The following CRPPA variants were observed in gnomAD, a reference collection of about 807,000 sequenced individuals.
CRPPA encodes D-ribitol-5-phosphate cytidylyltransferase.
CRPPA carries 43 observed loss-of-function variants against 52.0 expected under a neutral mutation model. The observed-to-expected ratio is 0.83, with a 90% CI of 0.65 to 1.07. The LOEUF (loss-of-function observed/expected upper bound fraction) is 1.07, where lower values mean the gene tolerates loss of function less well. Ranked by LOEUF, CRPPA falls within the 50% of genes least tolerant of loss-of-function variation. The pLI is 0.00. For missense variants in CRPPA, 629 were observed against 551.7 expected, an observed-to-expected ratio of 1.14 and a Z score of -1.40; for synonymous variants, 250 against 203.5, an observed-to-expected ratio of 1.23 and a Z score of -1.94.
chr7:16,308,469 C>T (rs565882933), intron 4 of CRPPA, 54 bp downstream of exon 4: 19 of 972,702 alleles, frequency 2.0e-5, no homozygotes, highest in East Asian at 1.5e-4. Context: ...TGTACACACA[C>T]GCAAACACAT....
At chr7:16,364,979 A>C (rs1786553706) in intron 3 of CRPPA, among the ~76,000 whole-genome samples, 1 of 152,236 alleles carries the variant, frequency 6.6e-6, no homozygotes. Flanking sequence ...GAAAAGTTAT[A>C]AAGGTCAATA....
intron 3 of CRPPA, 109 bp downstream of exon 3, chr7:16,375,983 G>T: frequency 9.6e-7 from 1 of 1,040,252 alleles, no homozygotes; most frequent in Non-Finnish European, 1.4e-6. Context: ...TCTTAGCCTT[G>T]AGTATAACTA....
At chr7:16,275,814 AAAAAAC>A (rs1411479816) in intron 6 of CRPPA, among the ~76,000 whole-genome samples, 4 of 152,106 alleles carry the variant, frequency 2.6e-5, no homozygotes, top group Admixed American at 2.6e-4. Context: ...CTGTCTCGGA[AAAAAAC>A]AAAAACAAAA....
intron 9 of CRPPA, among the ~76,000 whole-genome samples, chr7:16,209,938 A>AT (rs1255445090): frequency 1.3e-5 from 2 of 152,150 alleles, no homozygotes; most frequent in African/African-American, 2.4e-5. Context: ...TTACATCCAC[A>AT]TTTTTTTCAC....
chr7:16,240,053 A>G (rs1783063886), intron 8 of CRPPA, among the ~76,000 whole-genome samples: 1 of 151,876 alleles, frequency 6.6e-6, no homozygotes, highest in Non-Finnish European at 1.5e-5. Context: ...CTCAGGGAGT[A>G]TTCTATATCC....
chr7:16,087,602 A>G lies in CRPPA; in HGVS notation c.*4093T>C, dbSNP rs1419937165. Reference sequence around the variant, plus strand: ...TTTAGAATCTTTATAGTACTTTTCAATGTCACCTTAAAAATATGCATATGC... The same window carrying G: ...TTTAGAATCTTTATAGTACTTTTCAGTGTCACCTTAAAAATATGCATATGC... On this transcript the variant is annotated 3_prime_UTR_variant, in exon 10 of 10. Coordinates refer to ENST00000407010, the MANE Select transcript of CRPPA (RefSeq NM_001101426.4). 6.6e-6 allele frequency: 1 copy of G among 151,972 alleles called. No individual in the cohort carries two copies. Among genetic ancestry groups the G allele is most frequent in the Admixed American group, 6.6e-5 (1 of 15,260 alleles). The allele number at this position is 151,972 out of a possible 1,614,324, so 9.4% of individuals were successfully genotyped here. A position where few individuals can be genotyped will look rare whatever the true frequency, so the allele number is the denominator to read the frequency against.
intron 2 of CRPPA, among the ~76,000 whole-genome samples, chr7:16,395,947 G>C (rs1787557636): frequency 6.6e-6 from 1 of 152,198 alleles, no homozygotes; most frequent in African/African-American, 2.4e-5. Context: ...ATCAAAAATA[G>C]ATCAAGTTCC....
intron 3 of CRPPA, among the ~76,000 whole-genome samples, chr7:16,369,832 T>C (rs1185701595): frequency 6.6e-6 from 1 of 152,028 alleles, no homozygotes; most frequent in African/African-American, 2.4e-5. Context: ...CCACAGACCC[T>C]TTGAAAGAAG....
chr7:16,161,417 C>T (rs868557530), intron 9 of CRPPA, among the ~76,000 whole-genome samples: 9 of 152,114 alleles, frequency 5.9e-5, no homozygotes, highest in African/African-American at 2.2e-4. Context: ...TTGTCGAAGG[C>T]CTTTTCTGCA....
At chr7:16,326,858 A>G (rs1319326066) in intron 3 of CRPPA, among the ~76,000 whole-genome samples, 1 of 150,964 alleles carries the variant, frequency 6.6e-6, no homozygotes, top group East Asian at 2.0e-4. Context: ...AAATTGGACC[A>G]ATTTGGGAGC....
chr7:16,405,273 A>G (rs1787924153), intron 2 of CRPPA, among the ~76,000 whole-genome samples: 1 of 152,132 alleles, frequency 6.6e-6, no homozygotes, highest in Non-Finnish European at 1.5e-5. Flanking sequence ...AATAGCTAAC[A>G]TAATTTCCAA....
At chr7:16,140,097 A>G (rs1393574304) in intron 9 of CRPPA, among the ~76,000 whole-genome samples, 1 of 152,210 alleles carries the variant, frequency 6.6e-6, no homozygotes, top group African/African-American at 2.4e-5. Context: ...AAAAATGAAA[A>G]TGTAAGTACA....
intron 9 of CRPPA, among the ~76,000 whole-genome samples, chr7:16,100,790 G>C (rs1342019773): frequency 6.6e-6 from 1 of 152,142 alleles, no homozygotes; most frequent in East Asian, 1.9e-4. Flanking sequence ...CTGTGGGTTT[G>C]TCATACGTAG....
chr7:16,389,926 A>ATAT (rs1430354909), intron 2 of CRPPA, among the ~76,000 whole-genome samples: 1,125 of 54,684 alleles, frequency 0.021, 2 homozygotes, highest in Non-Finnish European at 0.025. Context: ...AAAAAAAAAA[A>ATAT]AAATATATAT....
At position 16,342,802 on chromosome 7, in the gene CRPPA, T is replaced by TAGATAGATAG. The variant is rs1412142941; in HGVS notation, c.684+33289_684+33290insCTATCTATCT. 1.9e-4 allele frequency among the ~76,000 whole-genome samples: 16 copies of TAGATAGATAG among 84,790 alleles called. 3 individuals are homozygous for TAGATAGATAG. Among genetic ancestry groups the TAGATAGATAG allele is most frequent in the African/African-American group, 5.9e-4 (11 of 18,798 alleles). The allele number at this position is 84,790 out of a possible 152,430, so 55.6% of individuals were successfully genotyped here. ...AAAAAAATATATATATATATATCTATATAGATATATAGATATACATATATA... is the reference window on the plus strand; with the variant it reads ...AAAAAAATATATATATATATATCTATAGATAGATAGATAGATATATAGATATACATATATA... On this transcript the variant is annotated intron_variant, in intron 3 of 9. Coordinates refer to ENST00000407010, the MANE Select transcript of CRPPA (RefSeq NM_001101426.4).
chr7:16,351,276 T>C (rs1340828648), intron 3 of CRPPA, among the ~76,000 whole-genome samples: 1 of 152,034 alleles, frequency 6.6e-6, no homozygotes, highest in Non-Finnish European at 1.5e-5. Flanking sequence ...GGATTAAAGA[T>C]TTAAACCTAG....
chr7:16,279,561 A>G (rs1784278377), intron 5 of CRPPA, among the ~76,000 whole-genome samples: 1 of 152,240 alleles, frequency 6.6e-6, no homozygotes, highest in Admixed American at 6.5e-5. Context: ...AAGTCAACAT[A>G]ATTAAAAACA....
At chr7:16,307,653 C>A (rs1466914601) in intron 4 of CRPPA, among the ~76,000 whole-genome samples, 1 of 128,322 alleles carries the variant, frequency 7.8e-6, no homozygotes, top group East Asian at 2.4e-4. Flanking sequence ...CCAGCCTGGG[C>A]CAGAAGAGTG....
At chr7:16,344,145 T>G (rs1785941479) in intron 3 of CRPPA, among the ~76,000 whole-genome samples, 1 of 152,118 alleles carries the variant, frequency 6.6e-6, no homozygotes, top group East Asian at 1.9e-4. Context: ...ATTGTGTTAA[T>G]GAAAATGTTC....
Sources: allele counts gnomAD v4.1 joint callset (sites outside exome capture counted in the v4.1 genomes callset), GRCh38; gene constraint gnomAD v4.1.1; transcripts MANE v1.5; gene names NCBI Gene and HGNC (gene_info 2026-07-23, HGNC 2026-07-21).